MAP2K4: variants seen among roughly 807,000 people sequenced by gnomAD.
The protein encoded by MAP2K4 is dual specificity mitogen-activated protein kinase kinase 4.
MAP2K4 carries 4 observed loss-of-function variants against 48.5 expected under a neutral mutation model. The observed-to-expected ratio is 0.08, with a 90% CI of 0.04 to 0.19. MAP2K4 has a LOEUF of 0.19. Ranked by LOEUF, MAP2K4 falls within the 10% of genes least tolerant of loss-of-function variation. The probability of loss-of-function intolerance (pLI) is 1.00; values close to 1 mark genes in which losing one functional copy is unlikely to be tolerated. For missense variants in MAP2K4, 258 were observed against 493.3 expected, an observed-to-expected ratio of 0.52 and a Z score of 4.52; for synonymous variants, 166 against 173.1, an observed-to-expected ratio of 0.96 and a Z score of 0.32.
chr17:12,102,687 A>G (rs896263470), intron 4 of MAP2K4, among the ~76,000 whole-genome samples: 1 of 152,142 alleles, frequency 6.6e-6, no homozygotes, highest in Non-Finnish European at 1.5e-5. Flanking sequence ...TTGACTGAAT[A>G]TCCAGCTTCT....
At chr17:12,080,723 A>G (rs1005543001) in intron 2 of MAP2K4, among the ~76,000 whole-genome samples, 1 of 152,206 alleles carries the variant, frequency 6.6e-6, no homozygotes, top group African/African-American at 2.4e-5. Flanking sequence ...ACAGGACAGT[A>G]TACTAAGGCA....
chr17:12,060,013 A>T (rs1970398678), intron 2 of MAP2K4, among the ~76,000 whole-genome samples: 1 of 152,064 alleles, frequency 6.6e-6, no homozygotes, highest in Admixed American at 6.6e-5. Flanking sequence ...CCCCATTTCT[A>T]CAAAAATAGA....
chr17:12,051,234 G>C (rs1970131516), intron 1 of MAP2K4, among the ~76,000 whole-genome samples: 1 of 152,202 alleles, frequency 6.6e-6, no homozygotes, highest in South Asian at 2.1e-4. Context: ...GTGGAACAGT[G>C]CTTTGGAAGT....
At chr17:12,048,947 G>A (rs562392361) in intron 1 of MAP2K4, among the ~76,000 whole-genome samples, 11 of 152,212 alleles carry the variant, frequency 7.2e-5, no homozygotes, top group African/African-American at 2.6e-4. Flanking sequence ...ATGAGCCACC[G>A]TGCCTGACCT....
At chr17:12,101,071 A>G (rs1185209266) in intron 4 of MAP2K4, among the ~76,000 whole-genome samples, 3 of 152,084 alleles carry the variant, frequency 2.0e-5, no homozygotes, top group African/African-American at 7.2e-5. Flanking sequence ...ATGTTGATAT[A>G]GGCCAATTTT....
chr17:12,107,926 T>C lies in MAP2K4; in HGVS notation c.633+17T>C, dbSNP rs750500374. The stretch of plus-strand genomic sequence containing the variant: ...ACTTTAGCAGTAAGTACCTGGTCTT[T>C]AAATTATTCATTGTGTATATAGTTA... On this transcript the variant is annotated intron_variant, in intron 5 of 10. Coordinates refer to ENST00000353533, the MANE Select transcript of MAP2K4 (RefSeq NM_003010.4). 1 of 1,574,688 alleles carries C rather than the reference T, an allele frequency of 6.4e-7. No individual in the cohort carries two copies.
intron 9 of MAP2K4, among the ~76,000 whole-genome samples, chr17:12,136,313 CAGCTTAGAAATATA>C (rs1276828647): frequency 2.0e-5 from 3 of 152,156 alleles, no homozygotes; most frequent in Non-Finnish European, 4.4e-5. Flanking sequence ...GAAAAAGAGG[CAGCTTAGAAATATA>C]AGCAGGGAAC....
At chr17:12,073,930 C>G (rs774622231) in intron 2 of MAP2K4, among the ~76,000 whole-genome samples, 2 of 151,982 alleles carry the variant, frequency 1.3e-5, no homozygotes, top group Non-Finnish European at 2.9e-5. Context: ...CCCACCACCA[C>G]GCCCAGCTAA....
intron 7 of MAP2K4, among the ~76,000 whole-genome samples, chr17:12,121,948 A>C (rs1015468257): frequency 1.3e-5 from 2 of 152,168 alleles, no homozygotes; most frequent in African/African-American, 4.8e-5. Context: ...AATGTTTTGT[A>C]GTTTTCAGTG....
intron 1 of MAP2K4, among the ~76,000 whole-genome samples, chr17:12,039,411 A>G (rs1241291076): frequency 6.6e-6 from 1 of 152,214 alleles, no homozygotes; most frequent in African/African-American, 2.4e-5. Context: ...AATTTCAAAC[A>G]TACACAAAAA....
intron 1 of MAP2K4, among the ~76,000 whole-genome samples, chr17:12,053,953 C>T (rs1322374203): frequency 6.6e-6 from 1 of 152,116 alleles, no homozygotes; most frequent in African/African-American, 2.4e-5. Context: ...GAAAAAGTGT[C>T]TCTAAGGTGA....
intron 1 of MAP2K4, among the ~76,000 whole-genome samples, chr17:12,039,265 G>A (rs1195339952): frequency 6.6e-6 from 1 of 152,188 alleles, no homozygotes; most frequent in African/African-American, 2.4e-5. Context: ...CATGAACTTT[G>A]TGAGGACAGA....
Position 12,125,270 on chromosome 17 carries a change from C to G in MAP2K4, c.814-24C>G, listed in dbSNP as rs759547230. The G allele has an allele frequency of 3.8e-6, 6 of 1,593,988 alleles. No homozygotes were observed. In the African/African-American group the frequency reaches 5.4e-5, roughly 14 times the overall value. ...TCCTTGAGTGTAAGGCAATTAATAA[C>G]TTACACTTGTCTTTATGTTCCAGCC... is the stretch of plus-strand genomic sequence containing the variant. On this transcript the variant is annotated intron_variant, in intron 7 of 10. Coordinates refer to ENST00000353533, the MANE Select transcript of MAP2K4 (RefSeq NM_003010.4).
At chr17:12,136,237 A>C in intron 9 of MAP2K4, among the ~76,000 whole-genome samples, 1 of 152,188 alleles carries the variant, frequency 6.6e-6, no homozygotes. Context: ...GAAACAATGG[A>C]TAGTAGGAAT....
chr17:12,095,758 G>A, intron 4 of MAP2K4, 64 bp downstream of exon 4: 1 of 1,545,920 alleles, frequency 6.5e-7, no homozygotes, highest in South Asian at 1.2e-5. Context: ...AAGATGGCAG[G>A]ATTCGATTCT....
intron 9 of MAP2K4, among the ~76,000 whole-genome samples, chr17:12,129,537 T>C (rs1416198694): frequency 3.3e-5 from 5 of 152,312 alleles, no homozygotes; most frequent in East Asian, 1.9e-4. Context: ...GGCTGCTGTC[T>C]CCAGACTTCC....
chr17:12,046,617 A>G (rs1300218991), intron 1 of MAP2K4, among the ~76,000 whole-genome samples: 1 of 152,182 alleles, frequency 6.6e-6, no homozygotes, highest in Non-Finnish European at 1.5e-5. Flanking sequence ...GTGGAATCCC[A>G]TAATGATGGC....
intron 1 of MAP2K4, among the ~76,000 whole-genome samples, chr17:12,035,976 ATGTGTG>A (rs199762097): frequency 1.3e-5 from 2 of 151,628 alleles, no homozygotes; most frequent in South Asian, 2.1e-4. Context: ...TTTATTGGAG[ATGTGTG>A]TGTGTGTGTT....
rs980424615 is a variant in MAP2K4, at chr17:12,110,059, G to GA, written c.634-305dup. On this transcript the variant is annotated intron_variant, in intron 5 of 10. Coordinates refer to ENST00000353533, the MANE Select transcript of MAP2K4 (RefSeq NM_003010.4). ...GAGACCCAGTCTCAAAATAAAAAGG[G>GA]AAAAAAAAAAAGGAAATTTTAGGTT... Among the ~76,000 whole-genome samples the GA allele has an allele frequency of 6.9e-4, 96 of 139,446 alleles. 1 individual carries two copies. The highest frequency in any genetic ancestry group is 6.9e-4 in the South Asian group (3 of 4,350). 91.5% of individuals were successfully genotyped at this position (139,446 alleles called of 152,430 possible). A position where few individuals can be genotyped will look rare whatever the true frequency, so the allele number is the denominator to read the frequency against.
Sources: allele counts gnomAD v4.1 joint callset (sites outside exome capture counted in the v4.1 genomes callset), GRCh38; gene constraint gnomAD v4.1.1; transcripts MANE v1.5; gene names NCBI Gene and HGNC (gene_info 2026-07-23, HGNC 2026-07-21).